UTP4: variants seen among roughly 807,000 people sequenced by gnomAD.
UTP4 encodes the protein UTP4 small subunit processome component.
A neutral mutation model predicts 82.4 loss-of-function variants in UTP4; 45 were observed. The ratio of observed to expected loss-of-function variants is 0.55; its 90% CI spans 0.43 to 0.70. The LOEUF (loss-of-function observed/expected upper bound fraction) is 0.70, where lower values mean the gene tolerates loss of function less well. Among genes scored for constraint, UTP4 ranks in the 30% least tolerant of loss-of-function variants. The pLI, the probability that UTP4 is intolerant of heterozygous loss-of-function variation, is 0.00. For synonymous variants in UTP4, 348 were observed against 300.3 expected, an observed-to-expected ratio of 1.16 and a Z score of -1.64; for missense variants, 819 against 858.3, an observed-to-expected ratio of 0.95 and a Z score of 0.57.
intron 10 of UTP4, among the ~76,000 whole-genome samples, chr16:69,155,538 A>G (rs1418629460): frequency 6.6e-6 from 1 of 152,146 alleles, no homozygotes; most frequent in Non-Finnish European, 1.5e-5. Context: ...GAAAATAAGT[A>G]CTTCAAACCA....
intron 5 of UTP4, among the ~76,000 whole-genome samples, chr16:69,141,822 CTTTT>C (rs1301721053): frequency 1.3e-5 from 2 of 150,800 alleles, no homozygotes; most frequent in Non-Finnish European, 1.5e-5. Context: ...TCTTCTCTTT[CTTTT>C]TTTATTTTAT....
chr16:69,136,372 T>G (rs1172270626), intron 2 of UTP4, among the ~76,000 whole-genome samples: 1 of 152,166 alleles, frequency 6.6e-6, no homozygotes, highest in Non-Finnish European at 1.5e-5. Context: ...GGACTATAAG[T>G]GTGTGCCACC....
chr16:69,168,218 C>T (rs190612428), intron 16 of UTP4, among the ~76,000 whole-genome samples: 30 of 152,014 alleles, frequency 2.0e-4, no homozygotes, highest in African/African-American at 6.7e-4. Context: ...GGGCGGATCA[C>T]GAGTTCAGGA....
intron 6 of UTP4, among the ~76,000 whole-genome samples, chr16:69,147,867 TGGATTAGGAATC>T (rs1963159323): frequency 1.3e-5 from 2 of 152,316 alleles, no homozygotes; most frequent in African/African-American, 2.4e-5. Context: ...TTTCGGATTT[TGGATTAGGAATC>T]CTTTTTTTTT....
chr16:69,153,698 T>A lies in UTP4; in HGVS notation c.1099+18T>A. On this transcript the variant is annotated intron_variant, in intron 9 of 16. Transcript: ENST00000314423. Reference sequence around the variant, plus strand: ...TGCAACAGGTAAGATGGGAGCACGTTTTTTTCAATAAGAAAACTGGAGAGA... The same window carrying A: ...TGCAACAGGTAAGATGGGAGCACGTATTTTTCAATAAGAAAACTGGAGAGA... 6.5e-7 allele frequency: 1 copy of A among 1,549,454 alleles called. No homozygotes were observed.
chr16:69,136,597 AT>A lies in UTP4; in HGVS notation c.160-96del, dbSNP rs368124579. 5.0e-5 allele frequency: 56 copies of A among 1,121,890 alleles called. No homozygotes were observed. The African/African-American group carries it at 7.8e-4, about 16-fold the overall frequency. The allele number at this position is 1,121,890 out of a possible 1,614,324, so 69.5% of individuals were successfully genotyped here. The stretch of plus-strand genomic sequence containing the variant: ...GATAGCACAAAACCCCACACTAGTT[AT>A]TTATGGGGAAGTTGTTTTTACCATG... On this transcript the variant is annotated intron_variant, in intron 2 of 16. Coordinates refer to ENST00000314423, the MANE Select transcript of UTP4 (RefSeq NM_032830.3).
chr16:69,158,318 C>T (rs779178582), intron 12 of UTP4, among the ~76,000 whole-genome samples: 2 of 151,446 alleles, frequency 1.3e-5, no homozygotes, highest in Non-Finnish European at 1.5e-5. Flanking sequence ...GAGCATACCA[C>T]CACACCCAGC....
intron 8 of UTP4, among the ~76,000 whole-genome samples, chr16:69,151,227 G>A (rs1040708103): frequency 1.5e-4 from 22 of 151,662 alleles, no homozygotes; most frequent in African/African-American, 5.3e-4. Context: ...GCTGATCTCG[G>A]AACTCCCAAC....
chr16:69,162,363 G>T (rs1963585270), intron 13 of UTP4, among the ~76,000 whole-genome samples: 1 of 151,720 alleles, frequency 6.6e-6, no homozygotes, highest in Non-Finnish European at 1.5e-5. Flanking sequence ...GGATCATGAG[G>T]TCAGAAGTTC....
In UTP4 at chr16:69,157,146, A is replaced by ATCCC. The variant is rs867004934; in HGVS notation, c.1350_1351insTCCC (p.Lys451SerfsTer103). 1 of 1,614,218 alleles carries ATCCC rather than the reference A, an allele frequency of 6.2e-7. No individual in the cohort carries two copies. The highest frequency in any genetic ancestry group is 8.5e-7 in the Non-Finnish European group (1 of 1,180,038). ...AGATTTTGTTTTCTGAAGATTCAAC[A>ATCCC]AAGCTCTTTGTAGCATCAAATCAAG... is the stretch of plus-strand genomic sequence containing the variant. On this transcript the variant is annotated frameshift_variant, in exon 12 of 17. Coordinates refer to ENST00000314423, the MANE Select transcript of UTP4 (RefSeq NM_032830.3). LOFTEE classifies it high-confidence loss of function.
chr16:69,157,673 C>T (rs1047222435), intron 12 of UTP4, among the ~76,000 whole-genome samples: 1 of 151,970 alleles, frequency 6.6e-6, no homozygotes, highest in Non-Finnish European at 1.5e-5. Context: ...TAGATGGCTG[C>T]CACCTCGACC....
chr16:69,151,802 T>G (rs976962141), intron 8 of UTP4, among the ~76,000 whole-genome samples: 1 of 151,556 alleles, frequency 6.6e-6, no homozygotes, highest in Non-Finnish European at 1.5e-5. Flanking sequence ...TCCAAATAGT[T>G]GTGGGTTATG....
chr16:69,133,101 C>T, intron 1 of UTP4: 1 of 311,032 alleles, frequency 3.2e-6, no homozygotes, highest in Non-Finnish European at 6.2e-6. Context: ...CCTGCCCCAT[C>T]AGCCTCACTG....
intron 3 of UTP4, among the ~76,000 whole-genome samples, chr16:69,137,281 T>G (rs949307804): frequency 6.6e-6 from 1 of 152,230 alleles, no homozygotes; most frequent in Admixed American, 6.5e-5. Flanking sequence ...CTTCAGCAAG[T>G]TAACCTGTGC....
chr16:69,163,878 C>T (rs1299061416), intron 14 of UTP4, among the ~76,000 whole-genome samples: 3 of 142,066 alleles, frequency 2.1e-5, no homozygotes, highest in African/African-American at 8.1e-5. Context: ...CTTTGATGGT[C>T]AGTTTGTTTT....
chr16:69,139,373 T>C (rs1962896461), intron 4 of UTP4, among the ~76,000 whole-genome samples: 1 of 151,978 alleles, frequency 6.6e-6, no homozygotes, highest in Non-Finnish European at 1.5e-5. Flanking sequence ...GCACGATGGC[T>C]TACACCTGTA....
At chr16:69,164,078 G>A (rs1169684710) in intron 14 of UTP4, among the ~76,000 whole-genome samples, 1 of 151,890 alleles carries the variant, frequency 6.6e-6, no homozygotes, top group Non-Finnish European at 1.5e-5. Context: ...TAGAGATGGA[G>A]TTTCACCATG....
chr16:69,166,941 A>G, intron 15 of UTP4, 134 bp from the exon 16 acceptor site: 1 of 678,874 alleles, frequency 1.5e-6, no homozygotes, highest in Non-Finnish European at 2.6e-6. Context: ...TTCCCGAATT[A>G]ACGAATGTCA....
At position 69,150,610 on chromosome 16, in the gene UTP4, A is replaced by G; in HGVS notation, c.812A>G (p.Asn271Ser). The G allele has an allele frequency of 1.9e-6, 3 of 1,614,216 alleles. No individual in the cohort carries two copies. Among genetic ancestry groups the G allele is most frequent in the Non-Finnish European group, 2.5e-6 (3 of 1,180,040 alleles). ...FHFQLVPVTS[N>S]SSEKQWVRTK... ...TTTCAGCTGGTCCCTGTGACATCTA[A>G]CAGCAGTGAGAAGCAGTGGGTGCGG... is the stretch of plus-strand genomic sequence containing the variant. Residue 271 changes from asparagine (N) to serine (S), a missense_variant, in exon 7 of 17, where the codon AAC (asparagine) becomes AGC (serine). Physicochemically the swap from Asn to Ser is conservative, Grantham distance 46. Transcript: ENST00000314423.
Sources: gnomAD v4.1 joint callset for allele counts (sites outside exome capture counted in the v4.1 genomes callset) on GRCh38, gnomAD v4.1.1 for gene constraint, MANE v1.5 for transcripts, NCBI Gene and HGNC (gene_info 2026-07-23, HGNC 2026-07-21) for gene names.